The following PTPN14 variants were observed in gnomAD, a reference collection of about 807,000 sequenced individuals.
PTPN14 encodes the protein tyrosine-protein phosphatase non-receptor type 14.
Under a neutral mutation model 126.8 loss-of-function variants are expected in PTPN14, and 53 were observed. The ratio of observed to expected loss-of-function variants is 0.42; its 90% CI spans 0.34 to 0.53. The LOEUF is 0.53. PTPN14 is among the 20% of genes least tolerant of loss of function. The probability of loss-of-function intolerance (pLI) is 0.08; values close to 1 mark genes in which losing one functional copy is unlikely to be tolerated. For synonymous variants in PTPN14, 630 were observed against 599.3 expected, an observed-to-expected ratio of 1.05 and a Z score of -0.75; for missense variants, 1,257 against 1,552.9, an observed-to-expected ratio of 0.81 and a Z score of 3.20.
chr1:214,452,963 G>C (rs902046453), intron 2 of PTPN14, among the ~76,000 whole-genome samples: 1 of 152,092 alleles, frequency 6.6e-6, no homozygotes, highest in Admixed American at 6.5e-5. Context: ...CCAGCTGGCT[G>C]CCCCCTCAAC....
intron 1 of PTPN14, among the ~76,000 whole-genome samples, chr1:214,501,876 G>A (rs947700264): frequency 1.6e-4 from 25 of 151,848 alleles, no homozygotes; most frequent in African/African-American, 5.6e-4. Flanking sequence ...TGGCTAACAC[G>A]GTGAAACCCC....
chr1:214,469,032 C>T (rs1422600631), intron 1 of PTPN14, among the ~76,000 whole-genome samples: 1 of 152,160 alleles, frequency 6.6e-6, no homozygotes, highest in Admixed American at 6.5e-5. Context: ...CATTTTCACC[C>T]AGAATTTGCA....
chr1:214,406,974 A>T (rs147587424), intron 5 of PTPN14, among the ~76,000 whole-genome samples: 15 of 152,302 alleles, frequency 9.8e-5, no homozygotes, highest in African/African-American at 3.4e-4. Context: ...TGACACAAAC[A>T]TGTACACACT....
intron 15 of PTPN14, among the ~76,000 whole-genome samples, chr1:214,374,527 C>T (rs1658296052): frequency 1.3e-5 from 2 of 152,350 alleles, no homozygotes; most frequent in South Asian, 2.1e-4. Context: ...AAAAACACAA[C>T]AAGCAGTGCT....
intron 3 of PTPN14, among the ~76,000 whole-genome samples, chr1:214,440,161 A>T (rs2102619476): frequency 6.6e-6 from 1 of 152,302 alleles, no homozygotes; most frequent in Admixed American, 6.5e-5. Context: ...CAGGCTTGTC[A>T]CTAAACAGCT....
intron 13 of PTPN14, among the ~76,000 whole-genome samples, chr1:214,381,354 T>C (rs1028925205): frequency 1.3e-5 from 2 of 152,234 alleles, no homozygotes; most frequent in African/African-American, 4.8e-5. Flanking sequence ...GGAAGAAGTA[T>C]TGAAAAATCA....
At chr1:214,442,870 C>T (rs909572918) in intron 3 of PTPN14, among the ~76,000 whole-genome samples, 49 of 150,080 alleles carry the variant, frequency 3.3e-4, no homozygotes, top group African/African-American at 1.2e-3. Flanking sequence ...GTTGCCCAGA[C>T]TGGAGTGCTA....
At chr1:214,432,607 T>C (rs534084865) in intron 3 of PTPN14, among the ~76,000 whole-genome samples, 1 of 152,314 alleles carries the variant, frequency 6.6e-6, no homozygotes, top group South Asian at 2.1e-4. Context: ...ATGTCTTCCT[T>C]TGATAGAATA....
At position 214,350,706 on chromosome 1, in the gene PTPN14, A is replaced by ATTTTTTTTTGTTTTTTTTT. The variant is rs1491278063; in HGVS notation, c.*7215_*7216insAAAAAAAAACAAAAAAAAA. On this transcript the variant is annotated 3_prime_UTR_variant, in exon 19 of 19. Transcript: ENST00000366956. The stretch of plus-strand genomic sequence containing the variant: ...CAGGCATGTGCCACCATGCCTGGCT[A>ATTTTTTTTTGTTTTTTTTT]ATTTTTTTTTTTTTTTTTTTTTTTG... The ATTTTTTTTTGTTTTTTTTT allele has an allele frequency of 2.0e-5, 1 of 49,448 alleles. No homozygotes were observed. Among genetic ancestry groups the ATTTTTTTTTGTTTTTTTTT allele is most frequent in the South Asian group, 7.1e-4 (1 of 1,410 alleles). The allele number at this position is 49,448 out of a possible 1,614,324, so 3.1% of individuals were successfully genotyped here.
intron 11 of PTPN14, 138 bp downstream of exon 11, chr1:214,390,850 C>G: frequency 4.8e-6 from 3 of 631,486 alleles, no homozygotes; most frequent in Non-Finnish European, 7.4e-6. Flanking sequence ...TCCATCGCAT[C>G]TGCTTGACAG....
chr1:214,498,294 G>A (rs976385360), intron 1 of PTPN14, among the ~76,000 whole-genome samples: 24 of 152,170 alleles, frequency 1.6e-4, no homozygotes, highest in African/African-American at 5.8e-4. Flanking sequence ...ATACTGTAGA[G>A]ATTCATTCTA....
At chr1:214,466,271 C>CTTTT (rs113382577) in intron 1 of PTPN14, among the ~76,000 whole-genome samples, 1 of 146,804 alleles carries the variant, frequency 6.8e-6, no homozygotes, top group Non-Finnish European at 1.5e-5. Context: ...CAGTTACTTC[C>CTTTT]TTTTTTTTTT....
Position 214,372,694 on chromosome 1 carries a change from T to C in PTPN14, c.3036+17A>G, listed in dbSNP as rs1478030975. 5 of 1,613,602 alleles carry C rather than the reference T, an allele frequency of 3.1e-6. No individual in the cohort carries two copies. The highest frequency in any genetic ancestry group is 1.7e-5 in the Admixed American group (1 of 59,994). On this transcript the variant is annotated intron_variant, in intron 16 of 18. Transcript: ENST00000366956. ...TCCCCTGGGGAAAAAGGATGTGGAGTAGGCCATTCCCCTTACCTCCTCTGC... is the reference window on the plus strand; with the variant it reads ...TCCCCTGGGGAAAAAGGATGTGGAGCAGGCCATTCCCCTTACCTCCTCTGC...
rs564391106 is a variant in PTPN14, at chr1:214,359,995, G to GTCCA, written c.3436-1949_3436-1946dup. ...TGTCCTCTCCCCTCACCTTCACCAT[G>GTCCA]TCCATCCTCCTGGACTAGCCAGGAC... On this transcript the variant is annotated intron_variant, in intron 18 of 18. Coordinates refer to ENST00000366956, the MANE Select transcript of PTPN14 (RefSeq NM_005401.5). Among the ~76,000 whole-genome samples the GTCCA allele has an allele frequency of 1.8e-3, 273 of 152,222 alleles. 1 individual carries two copies. Among genetic ancestry groups the GTCCA allele is most frequent in the South Asian group, 5.0e-3 (24 of 4,814 alleles).
At chr1:214,452,781 T>G (rs1437594040) in intron 2 of PTPN14, among the ~76,000 whole-genome samples, 3 of 152,202 alleles carry the variant, frequency 2.0e-5, no homozygotes, top group Non-Finnish European at 4.4e-5. Flanking sequence ...ATGCTAGGAT[T>G]TCAGGATTAG....
At chr1:214,372,887 C>T in intron 15 of PTPN14, 48 bp from the exon 16 acceptor site, 1 of 1,606,414 alleles carries the variant, frequency 6.2e-7, no homozygotes, top group South Asian at 1.1e-5. Flanking sequence ...GTCCGGACAA[C>T]ATTACCTGCT....
At chr1:214,549,482 G>A (rs1351872373) in intron 1 of PTPN14, among the ~76,000 whole-genome samples, 3 of 152,152 alleles carry the variant, frequency 2.0e-5, no homozygotes, top group South Asian at 4.1e-4. Context: ...GCACCTCATG[G>A]CCACCCATTC....
intron 7 of PTPN14, among the ~76,000 whole-genome samples, chr1:214,399,358 C>CACAT (rs1558085613): frequency 6.6e-6 from 1 of 152,206 alleles, no homozygotes; most frequent in African/African-American, 2.4e-5. Flanking sequence ...TTTGTCACAA[C>CACAT]ACATGTCCAG....
intron 3 of PTPN14, among the ~76,000 whole-genome samples, chr1:214,436,254 G>T (rs925865736): frequency 6.6e-6 from 1 of 152,154 alleles, no homozygotes; most frequent in African/African-American, 2.4e-5. Flanking sequence ...AGGATGGAGG[G>T]TGAGAGGAGG....
Sources: allele counts gnomAD v4.1 joint callset (sites outside exome capture counted in the v4.1 genomes callset), GRCh38; gene constraint gnomAD v4.1.1; transcripts MANE v1.5; gene names NCBI Gene and HGNC (gene_info 2026-07-23, HGNC 2026-07-21).